Variants in CLASRP observed in about 807,000 individuals in gnomAD.
CLASRP encodes CLK4-associating serine/arginine rich protein.
In CLASRP, 52 loss-of-function variants were observed where a neutral mutation model predicts 99.9. The ratio of observed to expected loss-of-function variants is 0.52; its 90% CI spans 0.42 to 0.66. The LOEUF (loss-of-function observed/expected upper bound fraction) is 0.66, where lower values mean the gene tolerates loss of function less well. Among genes scored for constraint, CLASRP ranks in the 30% least tolerant of loss-of-function variants. CLASRP has a pLI of 0.00. For synonymous variants in CLASRP, 379 were observed against 373.0 expected, an observed-to-expected ratio of 1.02 and a Z score of -0.18; for missense variants, 848 against 999.2, an observed-to-expected ratio of 0.85 and a Z score of 2.04.
At chr19:45,069,381 C>G (rs973927376) in intron 18 of CLASRP, 133 bp downstream of exon 18, 2 of 884,190 alleles carry the variant, frequency 2.3e-6, no homozygotes, top group African/African-American at 3.3e-5. Context: ...GCCTGGCCCT[C>G]GGGGCTGTGC....
chr19:45,057,990 C>A, intron 7 of CLASRP, 92 bp downstream of exon 7: 1 of 1,514,104 alleles, frequency 6.6e-7, no homozygotes. Flanking sequence ...CCCGTGCTTA[C>A]GAACCGTGTC....
intron 2 of CLASRP, among the ~76,000 whole-genome samples, chr19:45,042,702 C>G (rs1349779526): frequency 1.3e-5 from 2 of 151,882 alleles, no homozygotes; most frequent in African/African-American, 4.8e-5. Flanking sequence ...AACGTCCACC[C>G]CCCAGGTTCA....
At chr19:45,048,561 CA>C (rs1285452566) in intron 2 of CLASRP, among the ~76,000 whole-genome samples, 2 of 151,234 alleles carry the variant, frequency 1.3e-5, no homozygotes, top group Non-Finnish European at 2.9e-5. Context: ...TCTTAAAAAG[CA>C]AATAAATAAA....
At chr19:45,070,363 T>C (rs73560284) in intron 19 of CLASRP, among the ~76,000 whole-genome samples, 174 bp from the exon 20 acceptor site, 3,078 of 152,218 alleles carry the variant, frequency 0.02, 110 homozygotes, top group African/African-American at 0.07. Context: ...TTAGAAGTGC[T>C]CATTCCGGCA....
chr19:45,040,540 T>C, intron 2 of CLASRP: 7 of 405,316 alleles, frequency 1.7e-5, no homozygotes, highest in Non-Finnish European at 1.9e-5. Flanking sequence ...GATCCGGTGT[T>C]AGCAAGAAAA....
At chr19:45,049,418 C>T (rs570131001) in intron 2 of CLASRP, among the ~76,000 whole-genome samples, 3 of 152,298 alleles carry the variant, frequency 2.0e-5, no homozygotes, top group East Asian at 1.9e-4. Flanking sequence ...ACTCCAGCAG[C>T]GCCACCTCGC....
At chr19:45,052,247 C>A (rs1254458710) in intron 3 of CLASRP, 79 bp downstream of exon 3, 13 of 1,233,662 alleles carry the variant, frequency 1.1e-5, no homozygotes, top group Non-Finnish European at 1.5e-5. Context: ...GAGTGTGGAG[C>A]AGAGACTGAA....
At chr19:45,042,052 A>T (rs1041695675) in intron 2 of CLASRP, among the ~76,000 whole-genome samples, 21 of 152,134 alleles carry the variant, frequency 1.4e-4, no homozygotes, top group African/African-American at 5.1e-4. Flanking sequence ...CTTAAGATAC[A>T]CATACATGGG....
In CLASRP at chr19:45,060,340, C is replaced by T; in HGVS notation, c.711-49C>T. The T allele has an allele frequency of 2.6e-6, 4 of 1,544,900 alleles. No individual in the cohort carries two copies. Among genetic ancestry groups the T allele is most frequent in the Non-Finnish European group, 2.7e-6 (3 of 1,117,182 alleles). Reference sequence around the variant, plus strand: ...GATGACTCAGTCTGTGTCCTCCTTACCCTGTGGCCTGCCCCATCCTCCACC... The same window carrying T: ...GATGACTCAGTCTGTGTCCTCCTTATCCTGTGGCCTGCCCCATCCTCCACC... On this transcript the variant is annotated intron_variant, in intron 8 of 20. Transcript: ENST00000221455. This position sits in a 1 kb window ranked among gnomAD's most constrained non-coding sequence, Gnocchi z 4.6.
intron 2 of CLASRP, among the ~76,000 whole-genome samples, chr19:45,043,350 T>G (rs1482972806): frequency 7.2e-6 from 1 of 138,596 alleles, no homozygotes; most frequent in Non-Finnish European, 1.5e-5. Flanking sequence ...AGACAGAGCT[T>G]GCAGTGAGCC....
intron 19 of CLASRP, 32 bp from the exon 20 acceptor site, chr19:45,070,505 T>A (rs1967214238): frequency 6.2e-7 from 1 of 1,612,392 alleles, no homozygotes; most frequent in Admixed American, 1.7e-5. Context: ...CCTGGATGTT[T>A]GCTCGCTCTT....
chr19:45,065,452 G>T (rs1310393175), intron 13 of CLASRP, among the ~76,000 whole-genome samples: 15 of 151,372 alleles, frequency 9.9e-5, no homozygotes, highest in Non-Finnish European at 1.9e-4. Context: ...TCCCAGCTAT[G>T]CAGGAGGCTG....
chr19:45,059,296 C>G lies in CLASRP; in HGVS notation c.642C>G (p.Asn214Lys), dbSNP rs751101053. ...TGGAGGTGGACGTGGATGAATTGAA[C>G]CAGGAGCAGGTGGCAGATCTCAACA... ...IDVEVDVDEL[N>K]QEQVADLNKQ... The change falls in exon 8 of 21, where the codon AAC becomes AAG. Residue 214 changes from asparagine (N) to lysine (K), a missense_variant. This residue lies in a region of CLASRP where 119 missense variants were observed against 170.2 expected (regional missense o/e 0.70). Coordinates refer to ENST00000221455, the MANE Select transcript of CLASRP (RefSeq NM_007056.3). 6.2e-7 allele frequency: 1 copy of G among 1,610,484 alleles called. No individual in the cohort carries two copies. Among genetic ancestry groups the G allele is most frequent in the African/African-American group, 1.3e-5 (1 of 74,864 alleles).
chr19:45,069,892 G>A (rs1243947015), intron 18 of CLASRP, 130 bp from the exon 19 acceptor site: 7 of 608,482 alleles, frequency 1.2e-5, no homozygotes, highest in South Asian at 3.9e-5. Flanking sequence ...CTTTCCAAGC[G>A]GGGATTGGTG....
intron 11 of CLASRP, 71 bp downstream of exon 11, chr19:45,062,266 G>C (rs1311133728): frequency 1.1e-6 from 1 of 902,962 alleles, no homozygotes; most frequent in African/African-American, 1.6e-5. Flanking sequence ...TGCTGAGGAG[G>C]GGATGGGAGG....
intron 2 of CLASRP, among the ~76,000 whole-genome samples, chr19:45,044,692 G>A (rs1482941161): frequency 6.6e-6 from 1 of 152,062 alleles, no homozygotes; most frequent in East Asian, 1.9e-4. Context: ...GACCTGGGAG[G>A]GTGGGGCTAC....
chr19:45,040,397 T>C (rs556106231), intron 2 of CLASRP, 86 bp downstream of exon 2: 1 of 882,342 alleles, frequency 1.1e-6, no homozygotes, highest in Admixed American at 2.1e-5. Context: ...GGCTTGGAAG[T>C]ATGTCAAGAC....
intron 1 of CLASRP, chr19:45,039,964 A>G (rs1049310022): frequency 2.6e-6 from 1 of 379,884 alleles, no homozygotes; most frequent in African/African-American, 2.0e-5. Flanking sequence ...TCACCTCAGA[A>G]TCACCTGAGG....
rs539792106 is a variant in CLASRP, at chr19:45,058,550, T to C, written c.613+652T>C. Among the ~76,000 whole-genome samples, 5 of 152,228 alleles carry C rather than the reference T, an allele frequency of 3.3e-5. No homozygotes were observed. The South Asian group carries it at 1.0e-3, about 32-fold the overall frequency. On this transcript the variant is annotated intron_variant, in intron 7 of 20. Transcript: ENST00000221455. ...AAAGGCACACGCCACCACGCCCAGCTAATTTTTGTACTTTTAGTAGAGACG... is the reference window on the plus strand; with the variant it reads ...AAAGGCACACGCCACCACGCCCAGCCAATTTTTGTACTTTTAGTAGAGACG...
Sources: allele counts gnomAD v4.1 joint callset (sites outside exome capture counted in the v4.1 genomes callset), GRCh38; gene constraint gnomAD v4.1.1; regional missense constraint gnomAD v4.1.1; non-coding constraint Gnocchi (gnomAD v3.1); transcripts MANE v1.5; gene names NCBI Gene and HGNC (gene_info 2026-07-23, HGNC 2026-07-21).